DLC1: variants seen among roughly 807,000 people sequenced by gnomAD.
DLC1 encodes DLC1 Rho GTPase activating protein, also known as rho GTPase-activating protein 7.
Under a neutral mutation model 140.3 loss-of-function variants are expected in DLC1, and 54 were observed. That is an observed-to-expected ratio of 0.38 (90% confidence interval 0.31 to 0.48). The LOEUF is 0.48. Among genes scored for constraint, DLC1 ranks in the 20% least tolerant of loss-of-function variants. DLC1 has a pLI of 0.96. For missense variants in DLC1, 2,536 were observed against 1,907.0 expected (o/e 1.33, Z -6.14); for synonymous variants, 986 against 728.1 (o/e 1.35, Z -5.70).
At position 13,084,787 on chromosome 8, in the gene DLC1, T is replaced by TTTCC. The variant is rs1329993714; in HGVS notation, c.*1020_*1023dup. The TTTCC allele has an allele frequency of 6.6e-6, 1 of 152,158 alleles. No homozygotes were observed. Among genetic ancestry groups the TTTCC allele is most frequent in the African/African-American group, 2.4e-5 (1 of 41,434 alleles). 9.4% of individuals were successfully genotyped at this position (152,158 alleles called of 1,614,324 possible). ...TGTAGGTGAGTTAAATTTACAGGGA[T>TTTCC]TTCCTTGGGACACACATAGTTTCCT... is the stretch of plus-strand genomic sequence containing the variant. On this transcript the variant is annotated 3_prime_UTR_variant, in exon 18 of 18. Transcript: ENST00000276297.
chr8:13,083,576 A>T lies in DLC1; in HGVS notation c.*2235T>A, dbSNP rs1216879910. 6.6e-6 allele frequency: 1 copy of T among 152,590 alleles called. No individual in the cohort carries two copies. The highest frequency in any genetic ancestry group is 2.4e-5 in the African/African-American group (1 of 41,446). The allele number at this position is 152,590 out of a possible 1,614,324, so 9.5% of individuals were successfully genotyped here. ...TATCCTTCAAATTCTTCTCTTGTCA[A>T]ATTAAACAGTGGGAAAGAGAACTTT... On this transcript the variant is annotated 3_prime_UTR_variant, in exon 18 of 18. Coordinates refer to ENST00000276297, the MANE Select transcript of DLC1 (RefSeq NM_182643.3).
At chr8:13,452,768 G>A (rs537667457) in intron 2 of DLC1, among the ~76,000 whole-genome samples, 1 of 152,136 alleles carries the variant, frequency 6.6e-6, no homozygotes, top group Non-Finnish European at 1.5e-5. Context: ...TAGTTTCAGG[G>A]TTAGTTTAAG....
At chr8:13,090,173 T>C in intron 15 of DLC1, 79 bp downstream of exon 15, 2 of 1,381,204 alleles carry the variant, frequency 1.4e-6, no homozygotes, top group Non-Finnish European at 2.0e-6. Flanking sequence ...ACAGATTAGT[T>C]GGCAAAAGCG....
At chr8:13,466,960 C>A (rs1454218796) in intron 2 of DLC1, among the ~76,000 whole-genome samples, 14 of 9,038 alleles carry the variant, frequency 1.5e-3, no homozygotes, top group Admixed American at 1.7e-3. Context: ...AAAAAAAAAC[C>A]CCTCCACGTT....
At chr8:13,403,525 A>G (rs1482338241) in intron 2 of DLC1, among the ~76,000 whole-genome samples, 1 of 152,228 alleles carries the variant, frequency 6.6e-6, no homozygotes, top group Admixed American at 6.5e-5. Context: ...AAAGGTTGCT[A>G]TAAAGTGGTA....
At chr8:13,237,183 G>GTATA (rs775302583) in intron 5 of DLC1, among the ~76,000 whole-genome samples, 10 of 135,644 alleles carry the variant, frequency 7.4e-5, no homozygotes, top group Non-Finnish European at 1.1e-4. Flanking sequence ...GAGGATGTGT[G>GTATA]TATATATATA....
At chr8:13,449,252 G>T (rs1350100940) in intron 2 of DLC1, among the ~76,000 whole-genome samples, 1 of 152,146 alleles carries the variant, frequency 6.6e-6, no homozygotes, top group Non-Finnish European at 1.5e-5. Context: ...GTGGAGATTG[G>T]CACACAGCTC....
At chr8:13,375,735 A>ATTTT (rs369790217) in intron 4 of DLC1, among the ~76,000 whole-genome samples, 1,838 of 150,686 alleles carry the variant, frequency 0.012, 45 homozygotes, top group African/African-American at 0.04. Flanking sequence ...TTTTATTTTT[A>ATTTT]TTTTTTTGCT....
chr8:13,226,472 A>G (rs1255221274), intron 5 of DLC1, among the ~76,000 whole-genome samples: 5 of 152,184 alleles, frequency 3.3e-5, no homozygotes, highest in Non-Finnish European at 7.3e-5. Flanking sequence ...TTGACTTAGA[A>G]AGCAGTTATC....
At chr8:13,372,911 A>T (rs149217394) in intron 4 of DLC1, among the ~76,000 whole-genome samples, 240 of 152,340 alleles carry the variant, frequency 1.6e-3, no homozygotes, top group African/African-American at 5.3e-3. Flanking sequence ...ATGCCATCAA[A>T]CACCATGCCC....
chr8:13,414,010 G>A (rs1353896216), intron 2 of DLC1, among the ~76,000 whole-genome samples: 1 of 151,950 alleles, frequency 6.6e-6, no homozygotes, highest in South Asian at 2.1e-4. Flanking sequence ...TTATATCAGT[G>A]ATATAAAAAT....
chr8:13,164,994 A>G (rs1825004775), intron 5 of DLC1, among the ~76,000 whole-genome samples: 1 of 152,152 alleles, frequency 6.6e-6, no homozygotes, highest in African/African-American at 2.4e-5. Context: ...CAGTGAAGAA[A>G]TTGTCATCTG....
chr8:13,106,884 C>T (rs549503009), intron 7 of DLC1, among the ~76,000 whole-genome samples: 41 of 152,290 alleles, frequency 2.7e-4, no homozygotes, highest in African/African-American at 9.4e-4. Context: ...TTTTCAGAAG[C>T]TGTAGGAAGG....
intron 2 of DLC1, among the ~76,000 whole-genome samples, chr8:13,437,175 G>C (rs1839158161): frequency 1.3e-5 from 2 of 152,180 alleles, no homozygotes. Flanking sequence ...TTGACAAGTT[G>C]AGAAGTGAAG....
chr8:13,323,947 C>A (rs560824605), intron 4 of DLC1, among the ~76,000 whole-genome samples: 1 of 152,144 alleles, frequency 6.6e-6, no homozygotes, highest in African/African-American at 2.4e-5. Flanking sequence ...AAGTGGTTTA[C>A]GAATTACGTG....
chr8:13,469,705 G>T (rs7011776), intron 2 of DLC1, among the ~76,000 whole-genome samples: 47,896 of 152,028 alleles, frequency 0.32, 7,996 homozygotes, highest in Middle Eastern at 0.43. Context: ...ATGATTGAAA[G>T]ATATTATTGA....
chr8:13,410,650 T>TA (rs1237231221), intron 2 of DLC1, among the ~76,000 whole-genome samples: 7 of 133,742 alleles, frequency 5.2e-5, no homozygotes, highest in African/African-American at 1.9e-4. Context: ...GCAAGACCAT[T>TA]ATAAAAAAAA....
chr8:13,267,401 T>C (rs1488443490), intron 5 of DLC1, among the ~76,000 whole-genome samples: 1 of 151,610 alleles, frequency 6.6e-6, no homozygotes, highest in Admixed American at 6.6e-5. Flanking sequence ...TAATCAACCA[T>C]GAATGAAAAA....
intron 5 of DLC1, among the ~76,000 whole-genome samples, chr8:13,141,256 C>CATAAAAAAAAAAAAAAAAAA (rs1822967332): frequency 1.6e-5 from 1 of 63,806 alleles, no homozygotes; most frequent in African/African-American, 8.7e-5. Flanking sequence ...GAGTCTGTCT[C>CATAAAAAAAAAAAAAAAAAA]AAAAAAAAAA....
Sources: allele counts gnomAD v4.1 joint callset (sites outside exome capture counted in the v4.1 genomes callset), GRCh38; gene constraint gnomAD v4.1.1; transcripts MANE v1.5; gene names NCBI Gene and HGNC (gene_info 2026-07-23, HGNC 2026-07-21).